The following ZMAT1 variants were observed in gnomAD, a reference collection of about 807,000 sequenced individuals.
ZMAT1 encodes the protein zinc finger matrin-type protein 1.
Under a neutral mutation model 18.5 loss-of-function variants are expected in ZMAT1, and 11 were observed. The ratio of observed to expected loss-of-function variants is 0.59; its 90% CI spans 0.37 to 0.98. The LOEUF (loss-of-function observed/expected upper bound fraction) is 0.98, where lower values mean the gene tolerates loss of function less well. Ranked by LOEUF, ZMAT1 falls within the 50% of genes least tolerant of loss-of-function variation. The pLI is 0.01. For synonymous variants in ZMAT1, 211 were observed against 176.4 expected, an observed-to-expected ratio of 1.20 and a Z score of -1.55; for missense variants, 525 against 496.2, an observed-to-expected ratio of 1.06 and a Z score of -0.55.
At chrX:101,916,675 G>GA (rs750453651) in intron 1 of ZMAT1, among the ~76,000 whole-genome samples, 27 of 111,334 alleles carry the variant, frequency 2.4e-4, no homozygotes, top group Admixed American at 4.8e-4. Context: ...CACAGAGATA[G>GA]AAAAAAAATC....
chrX:101,899,870 G>T, intron 2 of ZMAT1, among the ~76,000 whole-genome samples: 1 of 111,962 alleles, frequency 8.9e-6, no homozygotes, highest in East Asian at 2.8e-4. Context: ...GTTATTTAAG[G>T]AATCTCCACA....
intron 1 of ZMAT1, among the ~76,000 whole-genome samples, chrX:101,922,900 C>G (rs975969073): frequency 9.0e-6 from 1 of 111,610 alleles, no homozygotes; most frequent in African/African-American, 3.3e-5. Flanking sequence ...TTCAGGGTGA[C>G]AGCTTAGAGG....
chrX:101,882,669 G>A lies in ZMAT1; in HGVS notation c.*841C>T, dbSNP rs1332541126. On this transcript the variant is annotated 3_prime_UTR_variant, in exon 6 of 6. Transcript: ENST00000651725. ...TATCACAGCAATTTGATGAGCAGAA[G>A]TAGAGACAACTTCATTTAGGGAAAT... 9.0e-6 allele frequency: 1 copy of A among 111,500 alleles called. No individual in the cohort carries two copies. The highest frequency in any genetic ancestry group is 1.9e-5 in the Non-Finnish European group (1 of 52,942). The allele number at this position is 111,500 out of a possible 1,213,427, so 9.2% of individuals were successfully genotyped here.
chrX:101,884,119 T>C lies in ZMAT1; in HGVS notation c.1479A>G (p.Arg493=). 8.3e-7 allele frequency: 1 copy of C among 1,209,726 alleles called. No individual in the cohort carries two copies. The highest frequency in any genetic ancestry group is 1.1e-6 in the Non-Finnish European group (1 of 895,180). The change falls in exon 6 of 6, where the codon AGA becomes AGG. Residue 493 remains arginine (R), a synonymous_variant. Transcript: ENST00000651725. ...GGAGCTTTTGCTCCAACATTCTATG[T>C]CTGGGTCTGACATCAACCATTTCTC... The part of the protein sequence containing the change: ...RNREMVDVRP[R]HRMLEQKLPC...
chrX:101,916,989 T>C (rs755285336), intron 1 of ZMAT1, among the ~76,000 whole-genome samples: 1 of 111,874 alleles, frequency 8.9e-6, no homozygotes, highest in South Asian at 3.7e-4. Context: ...GATATCCATA[T>C]GCAGAAAAAT....
At chrX:101,917,973 C>G (rs1474034147) in intron 1 of ZMAT1, among the ~76,000 whole-genome samples, 3 of 111,501 alleles carry the variant, frequency 2.7e-5, no homozygotes, top group African/African-American at 9.8e-5. Flanking sequence ...TTTGTGGGAT[C>G]TAAAAATCAA....
intron 1 of ZMAT1, among the ~76,000 whole-genome samples, chrX:101,917,925 C>G (rs963741760): frequency 8.9e-6 from 1 of 111,844 alleles, no homozygotes; most frequent in East Asian, 2.8e-4. Flanking sequence ...GTGAAATAAA[C>G]CAGGCACAGA....
At chrX:101,898,926 T>A (rs1393765576) in intron 2 of ZMAT1, among the ~76,000 whole-genome samples, 2 of 111,152 alleles carry the variant, frequency 1.8e-5, no homozygotes, top group East Asian at 5.7e-4. Context: ...TGTGCGCCTG[T>A]AATCTCAGCT....
At chrX:101,887,922 G>A (rs1226364071) in intron 4 of ZMAT1, 1 of 111,625 alleles carries the variant, frequency 9.0e-6, no homozygotes, top group Non-Finnish European at 1.9e-5. Context: ...GAAAAACTAG[G>A]AAATGGAAAT....
At chrX:101,894,865 TATGAAAGGGGAATAAA>T in intron 4 of ZMAT1, 4 of 750,894 alleles carry the variant, frequency 5.3e-6, no homozygotes, top group Non-Finnish European at 6.3e-6. Flanking sequence ...GAAGAGAGAA[TATGAAAGGGGAATAAA>T]ATACACTAGT....
At position 101,907,697 on chromosome X, in the gene ZMAT1, T is replaced by C. The variant is rs187132610; in HGVS notation, c.293-3367A>G. ...ATCAAGAAAACAATAAATGATCAAATTAGACATTTAACAGAGGGACTGAAA... is the reference window on the plus strand; with the variant it reads ...ATCAAGAAAACAATAAATGATCAAACTAGACATTTAACAGAGGGACTGAAA... On this transcript the variant is annotated intron_variant, in intron 1 of 5. Transcript: ENST00000651725. Among the ~76,000 whole-genome samples, 19 of 112,082 alleles carry C rather than the reference T, an allele frequency of 1.7e-4. No homozygotes were observed. The East Asian group carries it at 5.0e-3, about 30-fold the overall frequency.
intron 1 of ZMAT1, among the ~76,000 whole-genome samples, chrX:101,913,674 C>T (rs1045203832): frequency 1.1e-4 from 12 of 111,545 alleles, no homozygotes; most frequent in Non-Finnish European, 2.1e-4. Context: ...CCCAACACTG[C>T]AGTGCCCAGA....
At chrX:101,908,233 T>C (rs1928739616) in intron 1 of ZMAT1, among the ~76,000 whole-genome samples, 2 of 112,319 alleles carry the variant, frequency 1.8e-5, no homozygotes, top group Admixed American at 1.9e-4. Context: ...ATTTCATGAC[T>C]TCCCTTTTTC....
chrX:101,923,771 GT>G (rs1274758833), intron 1 of ZMAT1, among the ~76,000 whole-genome samples: 8 of 111,700 alleles, frequency 7.2e-5, no homozygotes, highest in African/African-American at 2.6e-4. Flanking sequence ...CAACAGTTGA[GT>G]TTTCCCCAAT....
chrX:101,919,869 G>A (rs1929606173), intron 1 of ZMAT1, among the ~76,000 whole-genome samples: 1 of 110,581 alleles, frequency 9.0e-6, no homozygotes, highest in African/African-American at 3.3e-5. Context: ...GCGGAAAGGA[G>A]TGACTTAAAG....
rs746275753 is a variant in ZMAT1, at chrX:101,884,279, G to A, written c.1319C>T (p.Thr440Ile). Residue 440 changes from threonine to isoleucine, a missense_variant, in exon 6 of 6, where the codon ACC becomes ATC. Physicochemically the swap from Thr to Ile is moderately conservative, Grantham distance 89. Transcript: ENST00000651725. ...AGAATCATATGTCCTCTTTGAATGG[G>A]TTGGTAGCCACTGAGGTAACTGGCT... is the stretch of plus-strand genomic sequence containing the variant. ...VESQLPQWLP[T>I]HSKRTYDSFQ... 8.3e-7 allele frequency: 1 copy of A among 1,210,298 alleles called. No homozygotes were observed. The highest frequency in any genetic ancestry group is 3.0e-5 in the East Asian group (1 of 33,729).
intron 1 of ZMAT1, among the ~76,000 whole-genome samples, chrX:101,927,658 T>C (rs1930137485): frequency 8.9e-6 from 1 of 112,108 alleles, no homozygotes; most frequent in Non-Finnish European, 1.9e-5. Context: ...GGTTCATGCT[T>C]GTGAAGTCAG....
chrX:101,892,592 C>T lies in ZMAT1; in HGVS notation c.676+5276G>A, dbSNP rs777559441. On this transcript the variant is annotated intron_variant, in intron 4 of 5. Transcript: ENST00000651725. ...AGTTGACTGTAGAGATTATTAATTC[C>T]GTTTTAGGTATGTTGAGTTATAGGT... 1.2e-3 allele frequency: 198 copies of T among 170,617 alleles called. 10 individuals are homozygous for T. Among genetic ancestry groups the T allele is most frequent in the Non-Finnish European group, 6.3e-4 (67 of 106,972 alleles). 14.1% of individuals were successfully genotyped at this position (170,617 alleles called of 1,213,427 possible).
At chrX:101,903,161 C>G (rs1322618103) in intron 2 of ZMAT1, among the ~76,000 whole-genome samples, 1 of 111,728 alleles carries the variant, frequency 9.0e-6, no homozygotes, top group African/African-American at 3.3e-5. Flanking sequence ...GTCTCTGTTA[C>G]TAATTCTAAA....
Sources: gnomAD v4.1 joint callset for allele counts (sites outside exome capture counted in the v4.1 genomes callset) on GRCh38, gnomAD v4.1.1 for gene constraint, MANE v1.5 for transcripts, NCBI Gene and HGNC (gene_info 2026-07-23, HGNC 2026-07-21) for gene names.